The following KDELR3 variants were observed in gnomAD, a reference collection of about 807,000 sequenced individuals.
KDELR3 encodes KDEL endoplasmic reticulum protein retention receptor 3.
KDELR3 carries 26 observed loss-of-function variants against 22.7 expected under a neutral mutation model. That is an observed-to-expected ratio of 1.15 (90% CI 0.84 to 1.59). The LOEUF (loss-of-function observed/expected upper bound fraction) is 1.59, where lower values mean the gene tolerates loss of function less well. Ranked by LOEUF, KDELR3 falls within the 40% of genes most tolerant of loss-of-function variation. The pLI is 0.00. For missense variants in KDELR3, 289 were observed against 251.1 expected, an observed-to-expected ratio of 1.15 and a Z score of -1.02; for synonymous variants, 120 against 98.2, an observed-to-expected ratio of 1.22 and a Z score of -1.31.
At chr22:38,469,122 C>G (rs2089507622) in intron 1 of KDELR3, among the ~76,000 whole-genome samples, 1 of 152,186 alleles carries the variant, frequency 6.6e-6, no homozygotes, top group Non-Finnish European at 1.5e-5. Flanking sequence ...CCCCGAAGGC[C>G]CTGTGGAAGG....
At chr22:38,472,720 A>G (rs1276101783) in intron 1 of KDELR3, among the ~76,000 whole-genome samples, 3 of 152,152 alleles carry the variant, frequency 2.0e-5, no homozygotes, top group African/African-American at 7.2e-5. Flanking sequence ...GTTTTTTAAG[A>G]CAGAGTTTTG....
At chr22:38,468,382 T>C in intron 1 of KDELR3, 58 bp downstream of exon 1, 2 of 1,511,750 alleles carry the variant, frequency 1.3e-6, no homozygotes, top group Non-Finnish European at 1.8e-6. Flanking sequence ...CTCATGCCCC[T>C]GCGTGCAGGG....
At chr22:38,482,444 G>A in intron 4 of KDELR3, 52 bp from the exon 5 acceptor site, 1 of 1,399,436 alleles carries the variant, frequency 7.1e-7, no homozygotes. Context: ...AAGTTATAAA[G>A]CAGTCCTTTC....
intron 2 of KDELR3, among the ~76,000 whole-genome samples, chr22:38,477,527 A>G (rs2089568751): frequency 6.6e-6 from 1 of 152,158 alleles, no homozygotes; most frequent in Non-Finnish European, 1.5e-5. Context: ...CTAAGGAACA[A>G]GGGTTCCATG....
intron 3 of KDELR3, among the ~76,000 whole-genome samples, chr22:38,480,039 C>T (rs1221062700): frequency 6.6e-6 from 1 of 152,206 alleles, no homozygotes; most frequent in African/African-American, 2.4e-5. Flanking sequence ...GTAGCACAGT[C>T]CAGGCCCAGA....
At chr22:38,468,628 C>T (rs1018173648) in intron 1 of KDELR3, among the ~76,000 whole-genome samples, 1 of 152,138 alleles carries the variant, frequency 6.6e-6, no homozygotes, top group African/African-American at 2.4e-5. Context: ...TCCCTCCCAC[C>T]AGTTACACCC....
At chr22:38,472,448 G>C (rs1000708027) in intron 1 of KDELR3, among the ~76,000 whole-genome samples, 1 of 152,004 alleles carries the variant, frequency 6.6e-6, no homozygotes, top group Non-Finnish European at 1.5e-5. Context: ...CTGCACTCCA[G>C]CCTGGGTGAC....
chr22:38,473,802 C>A (rs368629524), intron 1 of KDELR3, among the ~76,000 whole-genome samples: 1 of 152,098 alleles, frequency 6.6e-6, no homozygotes, highest in East Asian at 1.9e-4. Flanking sequence ...GGCGAAACTC[C>A]GTCTCTACTA....
intron 2 of KDELR3, 139 bp from the exon 3 acceptor site, chr22:38,479,454 T>A (rs1411208169): frequency 1.3e-6 from 1 of 755,482 alleles, no homozygotes; most frequent in African/African-American, 1.8e-5. Flanking sequence ...GGACCCAAGA[T>A]AAATTGCAAA....
At chr22:38,473,100 T>G (rs867377374) in intron 1 of KDELR3, among the ~76,000 whole-genome samples, 8 of 151,942 alleles carry the variant, frequency 5.3e-5, no homozygotes, top group African/African-American at 1.9e-4. Context: ...AATAAAAAGT[T>G]AAAAAAAGAA....
chr22:38,481,149 T>C (rs2089596758), intron 3 of KDELR3, 63 bp from the exon 4 acceptor site: 1 of 1,407,074 alleles, frequency 7.1e-7, no homozygotes, highest in Non-Finnish European at 9.7e-7. Context: ...AGTAATTATG[T>C]TCTTTTAAGA....
At chr22:38,479,801 C>G (rs200575951) in intron 3 of KDELR3, 50 bp downstream of exon 3, 65 of 1,563,670 alleles carry the variant, frequency 4.2e-5, no homozygotes, top group Admixed American at 2.5e-4. Context: ...ATGCTCCCTG[C>G]ATCCTTCCCT....
In KDELR3 at chr22:38,476,828, C is replaced by CT. The variant is rs1256274094; in HGVS notation, c.192+2221dup. On this transcript the variant is annotated intron_variant, in intron 2 of 4. Transcript: ENST00000216014. Reference sequence around the variant, plus strand: ...CGTGAGCCACCACACCTGGCCCCCCCTTTTTTTTTTTTTTTTGAGACAGAG... The same window carrying CT: ...CGTGAGCCACCACACCTGGCCCCCCCTTTTTTTTTTTTTTTTTGAGACAGAG... Among the ~76,000 whole-genome samples, 898 of 137,820 alleles carry CT rather than the reference C, an allele frequency of 6.5e-3. 7 individuals carry two copies. Among genetic ancestry groups the CT allele is most frequent in the South Asian group, 0.018 (77 of 4,284 alleles). 90.4% of individuals were successfully genotyped at this position (137,820 alleles called of 152,430 possible). A position where few individuals can be genotyped will look rare whatever the true frequency, so the allele number is the denominator to read the frequency against.
At position 38,469,381 on chromosome 22, in the gene KDELR3, G is replaced by A. The variant is rs114443365; in HGVS notation, c.91+1057G>A. Reference sequence around the variant, plus strand: ...GGGAGCCCTTCATGGTTTGGGAGCCGGGAAGGGGCCTGGAAGGGGGCCTGA... The same window carrying A: ...GGGAGCCCTTCATGGTTTGGGAGCCAGGAAGGGGCCTGGAAGGGGGCCTGA... On this transcript the variant is annotated intron_variant, in intron 1 of 4. Transcript: ENST00000216014. Among the ~76,000 whole-genome samples, 742 of 152,312 alleles carry A rather than the reference G, an allele frequency of 4.9e-3. 2 individuals carry two copies. The highest frequency in any genetic ancestry group is 8.1e-3 in the Non-Finnish European group (550 of 68,014).
chr22:38,481,629 A>G lies in KDELR3; in HGVS notation c.604+165A>G, dbSNP rs905433904. 9 of 1,472,926 alleles carry G rather than the reference A, an allele frequency of 6.1e-6. No individual in the cohort carries two copies. In the East Asian group the frequency reaches 1.7e-4, roughly 27 times the overall value. The allele number at this position is 1,472,926 out of a possible 1,614,324, so 91.2% of individuals were successfully genotyped here. On this transcript the variant is annotated intron_variant, in intron 4 of 4. Transcript: ENST00000216014. Reference sequence around the variant, plus strand: ...TATTTTCAATAAAGAAACAAATGCCATAAAAACATGCAGGCCAATAGGTTA... The same window carrying G: ...TATTTTCAATAAAGAAACAAATGCCGTAAAAACATGCAGGCCAATAGGTTA...
At chr22:38,475,013 G>T (rs967150150) in intron 2 of KDELR3, among the ~76,000 whole-genome samples, 2 of 145,696 alleles carry the variant, frequency 1.4e-5, no homozygotes, top group African/African-American at 2.5e-5. Context: ...TTGGGAGGCG[G>T]AGGTTGCAGT....
intron 2 of KDELR3, among the ~76,000 whole-genome samples, chr22:38,477,687 T>C (rs1300948837): frequency 6.6e-6 from 1 of 152,132 alleles, no homozygotes; most frequent in Non-Finnish European, 1.5e-5. Flanking sequence ...GTTGGTAGAG[T>C]GGAGGTTGCT....
chr22:38,474,500 C>T, intron 1 of KDELR3, 23 bp from the exon 2 acceptor site: 1 of 1,593,038 alleles, frequency 6.3e-7, no homozygotes. Context: ...TCCTCATTGT[C>T]TCCTGTCTAC....
rs1306116213 is a variant in KDELR3 at position 38,474,596 on chromosome 22, C to A, written c.165C>A (p.Phe55Leu). 3 of 1,613,920 alleles carry A rather than the reference C, an allele frequency of 1.9e-6. No individual in the cohort carries two copies. Among genetic ancestry groups the A allele is most frequent in the African/African-American group, 1.3e-5 (1 of 75,008 alleles). Residue 55 changes from phenylalanine to leucine, a missense_variant, in exon 2 of 5, where the codon TTC becomes TTA. Transcript: ENST00000216014. ...TTRYLDLFTN[F>L]ISIYNTVMKV... ...GGTACCTGGACCTGTTCACCAACTT[C>A]ATCTCCATCTACAACACAGTAATGA...
Sources: allele counts gnomAD v4.1 joint callset (sites outside exome capture counted in the v4.1 genomes callset), GRCh38; gene constraint gnomAD v4.1.1; transcripts MANE v1.5; gene names NCBI Gene and HGNC (gene_info 2026-07-23, HGNC 2026-07-21).